Variants in ARHGAP10 observed in about 807,000 individuals in gnomAD.
The protein encoded by ARHGAP10 is Rho GTPase activating protein 10, also known as rho GTPase-activating protein 10.
ARHGAP10 carries 87 observed loss-of-function variants against 108.6 expected under a neutral mutation model. That is an observed-to-expected ratio of 0.80 (90% confidence interval 0.67 to 0.96). ARHGAP10 has a LOEUF of 0.96. Among genes scored for constraint, ARHGAP10 ranks in the 40% least tolerant of loss-of-function variants. The probability of loss-of-function intolerance (pLI) is 0.00; values close to 1 mark genes in which losing one functional copy is unlikely to be tolerated. For synonymous variants in ARHGAP10, 347 were observed against 341.1 expected (o/e 1.02, Z -0.19); for missense variants, 939 against 954.5 (o/e 0.98, Z 0.21).
intron 1 of ARHGAP10, among the ~76,000 whole-genome samples, chr4:147,742,710 T>C (rs1381241292): frequency 6.6e-6 from 1 of 151,824 alleles, no homozygotes; most frequent in African/African-American, 2.4e-5. Flanking sequence ...GGTCTTGAAC[T>C]CCTGACCTCA....
intron 18 of ARHGAP10, among the ~76,000 whole-genome samples, chr4:147,983,846 C>T (rs1162128266): frequency 6.6e-6 from 1 of 152,158 alleles, no homozygotes; most frequent in Non-Finnish European, 1.5e-5. Flanking sequence ...TAGTGGGATC[C>T]TTTGAAGGTG....
intron 15 of ARHGAP10, among the ~76,000 whole-genome samples, chr4:147,949,147 A>G (rs551860227): frequency 1.3e-5 from 2 of 152,160 alleles, no homozygotes; most frequent in Non-Finnish European, 2.9e-5. Flanking sequence ...TGTAAAGAAG[A>G]TGTTTTCAGC....
At chr4:147,988,515 A>C (rs1031869245) in intron 18 of ARHGAP10, among the ~76,000 whole-genome samples, 1 of 152,150 alleles carries the variant, frequency 6.6e-6, no homozygotes, top group South Asian at 2.1e-4. Flanking sequence ...GCTTTAGTAC[A>C]TTAAGACCCA....
chr4:147,974,795 G>A lies in ARHGAP10; in HGVS notation c.1716+7956G>A, dbSNP rs577644997. Among the ~76,000 whole-genome samples the A allele has an allele frequency of 3.9e-5, 6 of 152,268 alleles. No individual in the cohort carries two copies. The South Asian group carries it at 1.2e-3, about 32-fold the overall frequency. ...GGTTTAATGGGCTCATGGTTCCACA[G>A]GGCTGGGGAGGCCTCACAATCATGG... On this transcript the variant is annotated intron_variant, in intron 18 of 22. Transcript: ENST00000336498.
At chr4:147,744,800 A>G (rs6535557) in intron 1 of ARHGAP10, among the ~76,000 whole-genome samples, 151,871 of 152,168 alleles carry the variant, frequency 1, 75,791 homozygotes, top group East Asian at 1. Context: ...GACATGTTCA[A>G]TAGTGTGTTT....
chr4:147,988,079 A>G (rs897572628), intron 18 of ARHGAP10, among the ~76,000 whole-genome samples: 7 of 152,168 alleles, frequency 4.6e-5, no homozygotes, highest in Non-Finnish European at 1.0e-4. Context: ...AACTCAGTGT[A>G]GTTTTTATTT....
intron 3 of ARHGAP10, among the ~76,000 whole-genome samples, chr4:147,828,050 G>A (rs1462287163): frequency 1.3e-5 from 2 of 152,058 alleles, no homozygotes; most frequent in Admixed American, 6.5e-5. Context: ...TGATCTGCCC[G>A]CCTCATTCAC....
chr4:147,832,822 C>A (rs1417102157), intron 3 of ARHGAP10, among the ~76,000 whole-genome samples: 1 of 152,052 alleles, frequency 6.6e-6, no homozygotes, highest in Non-Finnish European at 1.5e-5. Flanking sequence ...CACCTTTGAA[C>A]ATTAGTGAAA....
At chr4:147,995,757 C>T (rs1221098863) in intron 18 of ARHGAP10, among the ~76,000 whole-genome samples, 1 of 152,096 alleles carries the variant, frequency 6.6e-6, no homozygotes, top group African/African-American at 2.4e-5. Flanking sequence ...TGCTCTGTCA[C>T]CCAGGCTGGA....
chr4:148,057,886 T>G (rs1729429040), intron 20 of ARHGAP10, among the ~76,000 whole-genome samples: 2 of 152,188 alleles, frequency 1.3e-5, no homozygotes, highest in Non-Finnish European at 2.9e-5. Flanking sequence ...AGACTGTAAA[T>G]GATGAGCCAG....
At chr4:147,913,559 C>G (rs1736841004) in intron 13 of ARHGAP10, among the ~76,000 whole-genome samples, 1 of 152,104 alleles carries the variant, frequency 6.6e-6, no homozygotes, top group African/African-American at 2.4e-5. Flanking sequence ...CTTAGAATGC[C>G]TTTTTTCCTT....
At chr4:147,859,507 C>T (rs895148456) in intron 5 of ARHGAP10, among the ~76,000 whole-genome samples, 1 of 152,140 alleles carries the variant, frequency 6.6e-6, no homozygotes, top group African/African-American at 2.4e-5. Context: ...CTCCTGACCT[C>T]AGGCGATCCA....
At position 147,860,666 on chromosome 4, in the gene ARHGAP10, A is replaced by AT. The variant is rs560251357; in HGVS notation, c.486+3018dup. On this transcript the variant is annotated intron_variant, in intron 5 of 22. Coordinates refer to ENST00000336498, the MANE Select transcript of ARHGAP10 (RefSeq NM_024605.4). ...CCATTTCTGTTTATTTTTGAAGTCTATTTTTTCTTCCCAAGTAGCCAAATG... is the reference window on the plus strand; with the variant it reads ...CCATTTCTGTTTATTTTTGAAGTCTATTTTTTTCTTCCCAAGTAGCCAAATG... Among the ~76,000 whole-genome samples the AT allele has an allele frequency of 1.6e-4, 24 of 152,194 alleles. No individual in the cohort carries two copies. The East Asian group carries it at 4.2e-3, about 27-fold the overall frequency.
intron 19 of ARHGAP10, among the ~76,000 whole-genome samples, chr4:148,043,566 C>T (rs1728724497): frequency 7.5e-6 from 1 of 133,684 alleles, no homozygotes; most frequent in African/African-American, 2.7e-5. Flanking sequence ...ATCACTTGAA[C>T]CTAGAAGTCC....
intron 12 of ARHGAP10, among the ~76,000 whole-genome samples, chr4:147,910,215 A>G (rs560037686): frequency 6.6e-6 from 1 of 151,596 alleles, no homozygotes; most frequent in Admixed American, 6.6e-5. Flanking sequence ...TTGAGATGGG[A>G]TCTTGCTATG....
At chr4:147,808,645 G>A (rs1731883028) in intron 1 of ARHGAP10, among the ~76,000 whole-genome samples, 1 of 152,172 alleles carries the variant, frequency 6.6e-6, no homozygotes, top group East Asian at 1.9e-4. Context: ...TGCATGTAGA[G>A]TGAATGTGTA....
chr4:148,000,757 C>T lies in ARHGAP10; in HGVS notation c.1717-22506C>T, dbSNP rs190630508. Among the ~76,000 whole-genome samples the T allele has an allele frequency of 4.3e-3, 647 of 152,226 alleles. 5 individuals carry two copies. The highest frequency in any genetic ancestry group is 0.015 in the African/African-American group (630 of 41,530). On this transcript the variant is annotated intron_variant, in intron 18 of 22. Coordinates refer to ENST00000336498, the MANE Select transcript of ARHGAP10 (RefSeq NM_024605.4). ...GAAGTGTCTGTTCGTATCCTTCGCC[C>T]GCTTTGTGATGGGGTTGTTTGTTTT...
Position 147,965,258 on chromosome 4 carries a change from G to C in ARHGAP10, c.1556+129G>C, listed in dbSNP as rs571065316. 8.5e-6 allele frequency: 5 copies of C among 591,460 alleles called. No homozygotes were observed. The Admixed American group carries it at 1.1e-4, about 13-fold the overall frequency. The allele number at this position is 591,460 out of a possible 1,614,324, so 36.6% of individuals were successfully genotyped here. ...GCAGGCTGAACGTTTGACTCATTGT[G>C]TGTGTTTTGGATAAGACTGTTGAAA... is the stretch of plus-strand genomic sequence containing the variant. On this transcript the variant is annotated intron_variant, in intron 17 of 22. Transcript: ENST00000336498.
rs112911809 is a variant in ARHGAP10, at chr4:147,925,266, G to T, written c.1228+12127G>T. ...CAAAAGCAGGCATTCTTCCTCCTGG[G>T]ATTTAGTACCTGCTGCTACAGCTGC... On this transcript the variant is annotated intron_variant, in intron 13 of 22. Coordinates refer to ENST00000336498, the MANE Select transcript of ARHGAP10 (RefSeq NM_024605.4). 5.1e-3 allele frequency among the ~76,000 whole-genome samples: 773 copies of T among 152,246 alleles called. 7 individuals carry two copies. Among genetic ancestry groups the T allele is most frequent in the Middle Eastern group, 0.017 (5 of 294 alleles).
Sources: allele counts gnomAD v4.1 joint callset (sites outside exome capture counted in the v4.1 genomes callset), GRCh38; gene constraint gnomAD v4.1.1; transcripts MANE v1.5; gene names NCBI Gene and HGNC (gene_info 2026-07-23, HGNC 2026-07-21).